The following TBC1D26 variants were observed in gnomAD, a reference collection of about 807,000 sequenced individuals.
TBC1D26 encodes the protein TBC1 domain family, member 26.
TBC1D26 carries 19 observed loss-of-function variants against 42.5 expected under a neutral mutation model. The ratio of observed to expected loss-of-function variants is 0.45; its 90% CI spans 0.31 to 0.66. The LOEUF is 0.66. Ranked by LOEUF, TBC1D26 falls within the 30% of genes least tolerant of loss-of-function variation. The pLI is 0.06. For missense variants in TBC1D26, 228 were observed against 332.6 expected (o/e 0.69, Z 2.45); for synonymous variants, 97 against 123.5 (o/e 0.79, Z 1.42).
rs773416041 is a variant in TBC1D26 at position 15,740,155 on chromosome 17, A to G, written c.546+7A>G. On this transcript the variant is annotated splice_region_variant and intron_variant, in intron 9 of 14. Transcript: ENST00000437605. ...CTATTCTGCATATAACCCTGTGAGTATTCCCGGGCAGCGATATTCCTGGGA... is the reference window on the plus strand; with the variant it reads ...CTATTCTGCATATAACCCTGTGAGTGTTCCCGGGCAGCGATATTCCTGGGA... 5 of 1,614,002 alleles carry G rather than the reference A, an allele frequency of 3.1e-6. No individual in the cohort carries two copies. In the Admixed American group the frequency reaches 8.3e-5, roughly 27 times the overall value.
chr17:15,742,461 C>G lies in TBC1D26; in HGVS notation c.789C>G (p.Leu263=), dbSNP rs1192764636. 3 of 239,862 alleles carry G rather than the reference C, an allele frequency of 1.3e-5. No homozygotes were observed. The highest frequency in any genetic ancestry group is 1.5e-3 in the Middle Eastern group (1 of 678). 14.9% of individuals were successfully genotyped at this position (239,862 alleles called of 1,614,324 possible). Reference sequence around the variant, plus strand: ...AGGGTTCCATGCTGACGAGGCTCCTCCGGTGTTTCCTTGATGGGGTAAGGA... The same window carrying G: ...AGGGTTCCATGCTGACGAGGCTCCTGCGGTGTTTCCTTGATGGGGTAAGGA... The part of the protein sequence containing the change: ...CIEGSMLTRL[L]RCFLDGKSFG... Residue 263 remains leucine, a synonymous_variant, in exon 12 of 15, where the codon CTC becomes CTG. Coordinates refer to ENST00000437605, the MANE Select transcript of TBC1D26 (RefSeq NM_001388465.1).
intron 2 of TBC1D26, 29 bp from the exon 3 acceptor site, chr17:15,735,319 G>C (rs758284041): frequency 1.2e-6 from 2 of 1,611,736 alleles, no homozygotes; most frequent in Non-Finnish European, 1.7e-6. Context: ...TTGGGTGCGG[G>C]AGAGCCTTGG....
intron 10 of TBC1D26, 192 bp downstream of exon 10, chr17:15,741,413 C>T (rs1203425935): frequency 2.1e-6 from 2 of 961,152 alleles, no homozygotes; most frequent in African/African-American, 1.6e-5. Context: ...CAGGAACCCC[C>T]TCACCTCAAG....
intron 8 of TBC1D26, among the ~76,000 whole-genome samples, chr17:15,739,455 A>T (rs1359701606): frequency 2.0e-5 from 3 of 152,294 alleles, no homozygotes; most frequent in Non-Finnish European, 2.9e-5. Context: ...CAACATGGGA[A>T]CTAGGGAGGA....
chr17:15,740,737 C>A (rs1967754314), intron 9 of TBC1D26: 2 of 1,086,386 alleles, frequency 1.8e-6, no homozygotes, highest in Non-Finnish European at 2.3e-6. Flanking sequence ...GTTGCAGGAC[C>A]TTTTGTGTGG....
At chr17:15,733,208 G>A (rs1177926040) in intron 1 of TBC1D26, among the ~76,000 whole-genome samples, 2 of 151,524 alleles carry the variant, frequency 1.3e-5, no homozygotes, top group East Asian at 1.9e-4. Flanking sequence ...CTGGGAAAAC[G>A]GTCAGTGAAA....
intron 6 of TBC1D26, 61 bp downstream of exon 6, chr17:15,738,138 C>T (rs1597755279): frequency 1.2e-6 from 2 of 1,613,202 alleles, no homozygotes; most frequent in African/African-American, 1.3e-5. Flanking sequence ...GACAGGCACC[C>T]ATGGTTGTGA....
At chr17:15,741,869 C>T (rs1967793038) in intron 10 of TBC1D26, 73 bp from the exon 11 acceptor site, 2 of 1,507,366 alleles carry the variant, frequency 1.3e-6, no homozygotes, top group Non-Finnish European at 1.8e-6. Context: ...CCTGCCCTGC[C>T]CAGCTCTTCC....
intron 4 of TBC1D26, among the ~76,000 whole-genome samples, chr17:15,737,043 G>T (rs1254149432): frequency 1.3e-5 from 2 of 152,058 alleles, no homozygotes; most frequent in East Asian, 1.9e-4. Flanking sequence ...TGCATCCTCA[G>T]GGCACTGGGC....
intron 1 of TBC1D26, among the ~76,000 whole-genome samples, chr17:15,733,351 T>C (rs527902044): frequency 1.3e-5 from 2 of 152,192 alleles, no homozygotes; most frequent in Non-Finnish European, 2.9e-5. Context: ...CCTGGAAGGC[T>C]ACTGGGAGGA....
intron 1 of TBC1D26, chr17:15,733,786 A>G (rs1247943308): frequency 6.6e-6 from 1 of 152,220 alleles, no homozygotes. Flanking sequence ...CATGACCTCA[A>G]AATGTCACTG....
rs761295151 is a variant in TBC1D26, at chr17:15,735,462, C to G, written c.75+39C>G. 3 of 1,585,922 alleles carry G rather than the reference C, an allele frequency of 1.9e-6. No homozygotes were observed. In the Admixed American group the frequency reaches 5.1e-5, roughly 27 times the overall value. On this transcript the variant is annotated intron_variant, in intron 3 of 14. Transcript: ENST00000437605. Reference sequence around the variant, plus strand: ...CGCTCCCTCAAGGGAAGCAGGGCCTCGCCTCTCCCGCTGTGCCCTGGTCAC... The same window carrying G: ...CGCTCCCTCAAGGGAAGCAGGGCCTGGCCTCTCCCGCTGTGCCCTGGTCAC...
rs1351735518 is a variant in TBC1D26, at chr17:15,741,847, G to A, written c.647-95G>A. ...CACATGGGAGGGAGGGAGGCCTCGG[G>A]GTCTGGGGTCCCCTGCCCTGCCCAG... On this transcript the variant is annotated intron_variant, in intron 10 of 14. Transcript: ENST00000437605. The A allele has an allele frequency of 1.0e-4, 126 of 1,238,674 alleles. 2 individuals carry two copies. In the South Asian group the frequency reaches 1.7e-3, roughly 16 times the overall value. The allele number at this position is 1,238,674 out of a possible 1,614,324, so 76.7% of individuals were successfully genotyped here. A position where few individuals can be genotyped will look rare whatever the true frequency, so the allele number is the denominator to read the frequency against.
In TBC1D26 at chr17:15,744,515, T is replaced by C. The variant is rs557327185; in HGVS notation, c.1330T>C (p.Trp444Arg). Residue 444 changes from tryptophan (W) to arginine (R), a missense_variant, in exon 15 of 15, where the codon TGG becomes CGG. Transcript: ENST00000437605. ...TGGGCACAAAGCCAGGCTGCAGCTC[T>C]GGCCACTGACTTGGACCAGGGATGC... Reference protein sequence around the residue: ...NFGHKARLQLWPLTWTRDAPM... With the variant: ...NFGHKARLQLRPLTWTRDAPM... The C allele has an allele frequency of 6.6e-6, 1 of 152,226 alleles. No homozygotes were observed. Among genetic ancestry groups the C allele is most frequent in the Non-Finnish European group, 1.5e-5 (1 of 68,060 alleles). 9.4% of individuals were successfully genotyped at this position (152,226 alleles called of 1,614,324 possible).
At chr17:15,740,799 GC>G in intron 9 of TBC1D26, 1 of 822,148 alleles carries the variant, frequency 1.2e-6, no homozygotes, top group Non-Finnish European at 1.6e-6. Flanking sequence ...CACAGGTGCT[GC>G]CCCAGGCCTG....
intron 11 of TBC1D26, 140 bp from the exon 12 acceptor site, chr17:15,742,274 C>T (rs1967808982): frequency 3.7e-6 from 2 of 539,398 alleles, no homozygotes; most frequent in Admixed American, 3.2e-5. Context: ...GTCCACCGGG[C>T]GTCCGTGCAT....
intron 8 of TBC1D26, among the ~76,000 whole-genome samples, chr17:15,739,683 C>T (rs1967719155): frequency 6.6e-6 from 1 of 152,284 alleles, no homozygotes; most frequent in South Asian, 2.1e-4. Context: ...GCTGACAGAG[C>T]CGGGAGACGT....
At chr17:15,740,368 C>T (rs968150393) in intron 9 of TBC1D26, 59 of 1,469,554 alleles carry the variant, frequency 4.0e-5, no homozygotes, top group Non-Finnish European at 5.2e-5. Flanking sequence ...ACGACCTTCC[C>T]CTCCTGGTGT....
chr17:15,739,367 C>G (rs1194404526), intron 8 of TBC1D26, among the ~76,000 whole-genome samples: 5 of 152,242 alleles, frequency 3.3e-5, no homozygotes, highest in African/African-American at 1.2e-4. Flanking sequence ...TGAAAACTGA[C>G]GTCCAAGTAA....
Sources: gnomAD v4.1 joint callset for allele counts (sites outside exome capture counted in the v4.1 genomes callset) on GRCh38, gnomAD v4.1.1 for gene constraint, MANE v1.5 for transcripts, NCBI Gene and HGNC (gene_info 2026-07-23, HGNC 2026-07-21) for gene names.